The following THADA variants were observed in gnomAD, a reference collection of about 807,000 sequenced individuals.
THADA encodes THADA armadillo repeat containing.
Under a neutral mutation model 219.8 loss-of-function variants are expected in THADA, and 213 were observed. The observed-to-expected ratio is 0.97, with a 90% confidence interval of 0.87 to 1.09. The LOEUF (loss-of-function observed/expected upper bound fraction) is 1.09, where lower values mean the gene tolerates loss of function less well. THADA is among the 50% of genes least tolerant of loss of function. THADA has a pLI of 0.00. For missense variants in THADA, 2,956 were observed against 2,311.3 expected (o/e 1.28, Z -5.72); for synonymous variants, 1,018 against 828.9 (o/e 1.23, Z -3.92).
At chr2:43,468,642 G>C (rs1684550106) in intron 26 of THADA, among the ~76,000 whole-genome samples, 1 of 152,112 alleles carries the variant, frequency 6.6e-6, no homozygotes. Context: ...CAGCGCTTTA[G>C]GATGGGCAAA....
At chr2:43,264,925 T>A (rs377503054) in intron 36 of THADA, among the ~76,000 whole-genome samples, 11 of 152,196 alleles carry the variant, frequency 7.2e-5, no homozygotes, top group African/African-American at 2.7e-4. Context: ...TGTTTTTCCC[T>A]AAGTACCGTG....
intron 22 of THADA, among the ~76,000 whole-genome samples, chr2:43,520,708 A>G (rs1222060854): frequency 1.5e-5 from 2 of 130,272 alleles, no homozygotes; most frequent in African/African-American, 3.0e-5. Flanking sequence ...ATACGTATAT[A>G]TATATACACA....
At chr2:43,492,915 A>C (rs2105039951) in intron 25 of THADA, among the ~76,000 whole-genome samples, 1 of 152,302 alleles carries the variant, frequency 6.6e-6, no homozygotes, top group Non-Finnish European at 1.5e-5. Context: ...AATTAGAAAA[A>C]AGGTCCCTCT....
intron 1 of THADA, among the ~76,000 whole-genome samples, chr2:43,592,665 A>G (rs1216343032): frequency 6.6e-6 from 1 of 152,230 alleles, no homozygotes; most frequent in Admixed American, 6.5e-5. Context: ...ATCACTGTCT[A>G]AGAATTTCTG....
chr2:43,279,478 C>T (rs1381502957), intron 36 of THADA, among the ~76,000 whole-genome samples: 4 of 152,166 alleles, frequency 2.6e-5, no homozygotes, highest in African/African-American at 7.2e-5. Context: ...TAAATTTCTA[C>T]CTTTAAAAAT....
intron 29 of THADA, among the ~76,000 whole-genome samples, chr2:43,354,714 C>T (rs570249325): frequency 6.6e-6 from 1 of 152,226 alleles, no homozygotes; most frequent in African/African-American, 2.4e-5. Context: ...CTGAACAGTA[C>T]TGCATTGTGT....
Position 43,574,868 on chromosome 2 carries a change from A to G in THADA, c.1197T>C (p.His399=), listed in dbSNP as rs530728127. ...TCAGAGCATCCAATGGATGTTCCCA[A>G]TGGGTATAGACATATTCCAAAAGTC... The part of the protein sequence containing the change: ...VGRLLEYVYT[H]WEHPLDALRH... The change falls in exon 11 of 38, where the codon CAT becomes CAC. Residue 399 remains histidine (H), a synonymous_variant. Coordinates refer to ENST00000405975, the MANE Select transcript of THADA (RefSeq NM_022065.5). The G allele has an allele frequency of 1.4e-5, 23 of 1,613,998 alleles. No individual in the cohort carries two copies. The highest frequency in any genetic ancestry group is 1.6e-4 in the Middle Eastern group (1 of 6,062).
intron 35 of THADA, among the ~76,000 whole-genome samples, chr2:43,284,300 T>C (rs1018816464): frequency 6.6e-6 from 1 of 151,392 alleles, no homozygotes; most frequent in Non-Finnish European, 1.5e-5. Flanking sequence ...GAAGAAAAAA[T>C]GGTTTCTTAG....
intron 25 of THADA, chr2:43,491,927 AACT>A (rs989725111): frequency 6.6e-6 from 1 of 152,206 alleles, no homozygotes; most frequent in African/African-American, 2.4e-5. Context: ...GCAAACTGAC[AACT>A]GTTACCAAAA....
At chr2:43,556,288 C>G (rs1391753463) in intron 17 of THADA, 57 bp downstream of exon 17, 1 of 1,585,668 alleles carries the variant, frequency 6.3e-7, no homozygotes, top group African/African-American at 1.4e-5. Context: ...ATATTCTAAC[C>G]AAATGAATAC....
At chr2:43,476,000 C>T (rs1685486576) in intron 26 of THADA, among the ~76,000 whole-genome samples, 1 of 152,222 alleles carries the variant, frequency 6.6e-6, no homozygotes, top group Non-Finnish European at 1.5e-5. Flanking sequence ...TCTCATCCTT[C>T]CTCTTAACAG....
chr2:43,482,240 C>T (rs575935293), intron 26 of THADA, among the ~76,000 whole-genome samples: 1 of 152,180 alleles, frequency 6.6e-6, no homozygotes, highest in East Asian at 1.9e-4. Context: ...TTTTCTCATT[C>T]TTTAAAACCC....
intron 35 of THADA, 28 bp downstream of exon 35, chr2:43,286,880 C>A: frequency 1.3e-6 from 2 of 1,596,732 alleles, no homozygotes; most frequent in Non-Finnish European, 8.6e-7. Flanking sequence ...GAGTTTGGTA[C>A]AACAGACTTC....
chr2:43,270,992 C>A (rs116386428), intron 36 of THADA, among the ~76,000 whole-genome samples: 1 of 152,242 alleles, frequency 6.6e-6, no homozygotes, highest in African/African-American at 2.4e-5. Context: ...TGTCCCCCCA[C>A]TGGCCTGCTC....
rs369332818 is a variant in THADA, at chr2:43,408,878, C to T, written c.4059-10739G>A. The stretch of plus-strand genomic sequence containing the variant: ...AGTTTTATGTCTAACACTAACCATA[C>T]TCAATCTTTCTATAGTTGGAGCCAA... On this transcript the variant is annotated intron_variant, in intron 28 of 37. Coordinates refer to ENST00000405975, the MANE Select transcript of THADA (RefSeq NM_022065.5). 2.6e-5 allele frequency among the ~76,000 whole-genome samples: 4 copies of T among 152,284 alleles called. 1 individual carries two copies. The highest frequency in any genetic ancestry group is 9.6e-5 in the African/African-American group (4 of 41,572).
intron 24 of THADA, among the ~76,000 whole-genome samples, chr2:43,501,867 C>T (rs926414749): frequency 6.6e-6 from 1 of 152,132 alleles, no homozygotes; most frequent in Non-Finnish European, 1.5e-5. Flanking sequence ...TAGCTTGAAC[C>T]CAGGTGGTGA....
chr2:43,506,370 G>T (rs17030946), intron 23 of THADA, among the ~76,000 whole-genome samples: 12,642 of 152,170 alleles, frequency 0.083, 581 homozygotes, highest in South Asian at 0.13. Flanking sequence ...CATAAAAATA[G>T]GGTATTAAGC....
intron 26 of THADA, among the ~76,000 whole-genome samples, chr2:43,432,485 A>G: frequency 6.6e-6 from 1 of 150,566 alleles, no homozygotes; most frequent in South Asian, 2.1e-4. Context: ...ACTATTATGA[A>G]TAAAGCTGCT....
chr2:43,312,185 C>T (rs907036603), intron 31 of THADA, among the ~76,000 whole-genome samples: 2 of 149,756 alleles, frequency 1.3e-5, no homozygotes, highest in Non-Finnish European at 3.0e-5. Flanking sequence ...TGCCACTGCA[C>T]TCCAGCCTGG....
Sources: allele counts gnomAD v4.1 joint callset (sites outside exome capture counted in the v4.1 genomes callset), GRCh38; gene constraint gnomAD v4.1.1; transcripts MANE v1.5; gene names NCBI Gene and HGNC (gene_info 2026-07-23, HGNC 2026-07-21).